SH2B2: variants seen among roughly 807,000 people sequenced by gnomAD.
The protein encoded by SH2B2 is SH2B adapter protein 2.
In SH2B2, 37 loss-of-function variants were observed where a neutral mutation model predicts 35.7. The observed-to-expected ratio is 1.04, with a 90% CI of 0.80 to 1.36. SH2B2 has a LOEUF of 1.36. SH2B2 is among the 40% of genes most tolerant of loss of function. The probability of loss-of-function intolerance (pLI) is 0.00; values close to 1 mark genes in which losing one functional copy is unlikely to be tolerated. For missense variants in SH2B2, 852 were observed against 817.7 expected, an observed-to-expected ratio of 1.04 and a Z score of -0.51; for synonymous variants, 383 against 376.4, an observed-to-expected ratio of 1.02 and a Z score of -0.20.
chr7:102,307,969 C>T (rs1261308568), intron 3 of SH2B2, among the ~76,000 whole-genome samples: 1 of 152,108 alleles, frequency 6.6e-6, no homozygotes, highest in African/African-American at 2.4e-5. Context: ...CAGCGTTTCA[C>T]CATGTTGCCC....
At chr7:102,319,245 G>T (rs1554557746) in intron 7 of SH2B2, among the ~76,000 whole-genome samples, 1 of 152,222 alleles carries the variant, frequency 6.6e-6, no homozygotes, top group African/African-American at 2.4e-5. Context: ...ACCCAGCTGT[G>T]CCCTGCGCAG....
At chr7:102,318,049 A>C (rs1286840900) in intron 7 of SH2B2, among the ~76,000 whole-genome samples, 1 of 152,060 alleles carries the variant, frequency 6.6e-6, no homozygotes, top group African/African-American at 2.4e-5. Flanking sequence ...TCCCAACAGC[A>C]CCCAGCTGGA....
upstream of SH2B2, among the ~76,000 whole-genome samples, chr7:102,285,544 GC>G (rs1415172947): frequency 6.6e-6 from 1 of 152,222 alleles, no homozygotes; most frequent in Non-Finnish European, 1.5e-5. Context: ...TGTCTTCCGT[GC>G]CCCCGTGGAG....
At chr7:102,293,723 T>C (rs1554552172) in intron 1 of SH2B2, among the ~76,000 whole-genome samples, 1 of 151,924 alleles carries the variant, frequency 6.6e-6, no homozygotes, top group African/African-American at 2.4e-5. Context: ...AGCCCAGTCT[T>C]CAATGTCCAA....
chr7:102,296,027 TC>T (rs1477693245), intron 1 of SH2B2, among the ~76,000 whole-genome samples: 1 of 152,054 alleles, frequency 6.6e-6, no homozygotes, highest in African/African-American at 2.4e-5. Flanking sequence ...CCTTCCAAAC[TC>T]CCGACTCCCC....
chr7:102,295,156 A>G (rs1202101334), intron 1 of SH2B2, among the ~76,000 whole-genome samples: 4 of 152,132 alleles, frequency 2.6e-5, no homozygotes, highest in East Asian at 1.9e-4. Flanking sequence ...TGGGGGCGAC[A>G]GGGATTGATG....
chr7:102,285,671 T>TA (rs1392539651), upstream of SH2B2, among the ~76,000 whole-genome samples: 3 of 152,042 alleles, frequency 2.0e-5, no homozygotes, highest in African/African-American at 7.2e-5. Flanking sequence ...GTCTGTAAAT[T>TA]AGAGATGGGA....
chr7:102,287,127 C>G (rs1792487088), intron 1 of SH2B2, 33 bp downstream of exon 1: 1 of 152,158 alleles, frequency 6.6e-6, no homozygotes, highest in Non-Finnish European at 1.5e-5. Flanking sequence ...TCCTCGCTCC[C>G]TGGTCCTTCC....
chr7:102,304,408 G>GC (rs1456002944), intron 2 of SH2B2, among the ~76,000 whole-genome samples: 1 of 152,142 alleles, frequency 6.6e-6, no homozygotes, highest in Non-Finnish European at 1.5e-5. Context: ...AATGAGGCCG[G>GC]CCCCCCGCCA....
Position 102,321,322 on chromosome 7 carries a change from G to T in SH2B2, c.1591G>T (p.Ala531Ser). ...PPEPGPTPPAAPASPACWSDS... is the reference protein window; with the variant it reads ...PPEPGPTPPASPASPACWSDS... ...AGAGCCGGGCCCCACGCCCCCTGCCGCGCCCGCGTCCCCGGCCTGCTGGAG... is the reference window on the plus strand; with the variant it reads ...AGAGCCGGGCCCCACGCCCCCTGCCTCGCCCGCGTCCCCGGCCTGCTGGAG... The change falls in exon 9 of 9, where the codon GCG becomes TCG. Residue 531 changes from alanine to serine, a missense_variant. Ala to Ser is a moderately conservative substitution (Grantham distance 99, BLOSUM62 1). This residue lies in a region of SH2B2 where 556 missense variants were observed against 514.5 expected (regional missense o/e 1.08). Coordinates refer to ENST00000444095, the MANE Select transcript of SH2B2 (RefSeq NM_001359228.2). The T allele has an allele frequency of 7.0e-7, 1 of 1,427,826 alleles. No individual in the cohort carries two copies. The highest frequency in any genetic ancestry group is 9.1e-7 in the Non-Finnish European group (1 of 1,096,514). 88.4% of individuals were successfully genotyped at this position (1,427,826 alleles called of 1,614,324 possible).
intron 2 of SH2B2, among the ~76,000 whole-genome samples, chr7:102,303,724 G>T (rs1793285443): frequency 6.6e-6 from 1 of 152,194 alleles, no homozygotes; most frequent in East Asian, 1.9e-4. Context: ...GGGTGGGGTG[G>T]GGCTTACCCG....
At chr7:102,311,970 C>G (rs1321497971) in intron 4 of SH2B2, among the ~76,000 whole-genome samples, 2 of 150,868 alleles carry the variant, frequency 1.3e-5, no homozygotes, top group African/African-American at 4.9e-5. Flanking sequence ...CCCAGCTACT[C>G]AGGAGGCTGA....
intron 1 of SH2B2, among the ~76,000 whole-genome samples, chr7:102,292,566 C>T (rs985850960): frequency 6.6e-6 from 1 of 151,470 alleles, no homozygotes; most frequent in Non-Finnish European, 1.5e-5. Context: ...GCCATGGCGT[C>T]TTGTGCCTGT....
intron 7 of SH2B2, among the ~76,000 whole-genome samples, chr7:102,318,232 G>A (rs1296862130): frequency 2.0e-5 from 3 of 152,058 alleles, no homozygotes; most frequent in Non-Finnish European, 4.4e-5. Flanking sequence ...TCCGCCTCCC[G>A]GGTTCAAGCG....
chr7:102,293,003 AGGAGGTGGGGGGTGCCAGCT>A (rs1450847950), intron 1 of SH2B2: 3 of 150,142 alleles, frequency 2.0e-5, no homozygotes, highest in African/African-American at 7.4e-5. Context: ...GGTGCTGGGG[AGGAGGTGGGGGGTGCCAGCT>A]GGAGGTGGGC....
At position 102,321,585 on chromosome 7, in the gene SH2B2, G is replaced by A; in HGVS notation, c.1854G>A (p.Ala618=). 1 of 1,158,650 alleles carries A rather than the reference G, an allele frequency of 8.6e-7. No individual in the cohort carries two copies. The highest frequency in any genetic ancestry group is 1.1e-6 in the Non-Finnish European group (1 of 942,212). The allele number at this position is 1,158,650 out of a possible 1,614,324, so 71.8% of individuals were successfully genotyped here. ...ATAAEEPPEA[A]PGRARAVENQ... ...CCGCCGAGGAGCCCCCGGAGGCCGC[G>A]CCCGGCCGCGCGCGCGCCGTGGAGA... The change falls in exon 9 of 9, where the codon GCG becomes GCA. Residue 618 remains alanine, a synonymous_variant. Coordinates refer to ENST00000444095, the MANE Select transcript of SH2B2 (RefSeq NM_001359228.2).
chr7:102,310,160 AC>A (rs1466976409), intron 4 of SH2B2, among the ~76,000 whole-genome samples: 2 of 151,770 alleles, frequency 1.3e-5, no homozygotes, highest in Non-Finnish European at 2.9e-5. Context: ...TACTAAAAAT[AC>A]AAAAATTAGC....
intron 1 of SH2B2, among the ~76,000 whole-genome samples, chr7:102,288,895 C>T (rs1792562106): frequency 6.6e-6 from 1 of 152,250 alleles, no homozygotes; most frequent in Admixed American, 6.5e-5. Flanking sequence ...CCTGCCTACC[C>T]AGCCTGGGTT....
chr7:102,290,050 C>A (rs577834674), intron 1 of SH2B2, among the ~76,000 whole-genome samples: 4 of 152,192 alleles, frequency 2.6e-5, no homozygotes, highest in African/African-American at 7.2e-5. Flanking sequence ...ATCTGACCCG[C>A]ACTTCCTGCA....
Sources: gnomAD v4.1 joint callset for allele counts (sites outside exome capture counted in the v4.1 genomes callset) on GRCh38, gnomAD v4.1.1 for gene constraint, gnomAD v4.1.1 regional missense constraint, MANE v1.5 for transcripts, NCBI Gene and HGNC (gene_info 2026-07-23, HGNC 2026-07-21) for gene names.